ACACB: variants seen among roughly 807,000 people sequenced by gnomAD.
The protein encoded by ACACB is acetyl-CoA carboxylase 2.
Under a neutral mutation model 278.8 loss-of-function variants are expected in ACACB, and 209 were observed. That is an observed-to-expected ratio of 0.75 (90% CI 0.67 to 0.84). The LOEUF (loss-of-function observed/expected upper bound fraction) is 0.84. Ranked by LOEUF, ACACB falls within the 40% of genes least tolerant of loss-of-function variation. The probability of loss-of-function intolerance (pLI) is 0.00; values close to 1 mark genes in which losing one functional copy is unlikely to be tolerated. For missense variants in ACACB, 2,850 were observed against 3,269.0 expected (o/e 0.87, Z 3.13); for synonymous variants, 1,174 against 1,285.6 (o/e 0.91, Z 1.86).
chr12:109,191,208 A>G (rs2044864057), intron 13 of ACACB, among the ~76,000 whole-genome samples: 1 of 132,968 alleles, frequency 7.5e-6, no homozygotes, highest in South Asian at 2.4e-4. Flanking sequence ...GCCCTCTCTT[A>G]ACTCTTCTTT....
intron 39 of ACACB, 67 bp from the exon 40 acceptor site, chr12:109,247,539 G>GAA: frequency 1.5e-4 from 148 of 1,019,944 alleles, no homozygotes; most frequent in Non-Finnish European, 1.6e-4. Flanking sequence ...TTCACATTAA[G>GAA]AAAAAAAAAA....
chr12:109,116,984 T>C (rs1304872828), intron 1 of ACACB, among the ~76,000 whole-genome samples: 1 of 152,136 alleles, frequency 6.6e-6, no homozygotes, highest in East Asian at 1.9e-4. Context: ...AATTCTGTTT[T>C]TTGCCTCCAA....
intron 27 of ACACB, among the ~76,000 whole-genome samples, chr12:109,226,626 G>A (rs895329775): frequency 6.7e-6 from 1 of 150,254 alleles, no homozygotes; most frequent in African/African-American, 2.5e-5. Context: ...TTGAACCTGG[G>A]AGGAGGAGGT....
In ACACB at chr12:109,234,057, G is replaced by A. The variant is rs182781008; in HGVS notation, c.4347+12G>A. 9.1e-5 allele frequency: 145 copies of A among 1,588,274 alleles called. No individual in the cohort carries two copies. In the East Asian group the frequency reaches 2.6e-3, roughly 28 times the overall value. On this transcript the variant is annotated intron_variant, in intron 31 of 52. Transcript: ENST00000338432. ...TCGTACAGTCCAAGGTACTCTGGGC[G>A]TGCCTCTGGTTTTGGTGGGGGTTCT...
intron 2 of ACACB, 114 bp from the exon 3 acceptor site, chr12:109,166,747 C>T: frequency 7.6e-7 from 1 of 1,309,388 alleles, no homozygotes; most frequent in Non-Finnish European, 1.0e-6. Flanking sequence ...AAGTGCAAAG[C>T]AGGGGGGCTC....
intron 21 of ACACB, among the ~76,000 whole-genome samples, chr12:109,210,193 GTA>G (rs60316094): frequency 4.1e-5 from 1 of 24,568 alleles, no homozygotes; most frequent in Admixed American, 5.3e-4. Context: ...ACACACGTGT[GTA>G]TATGTATATA....
intron 1 of ACACB, among the ~76,000 whole-genome samples, chr12:109,128,868 G>A (rs1024150908): frequency 6.6e-6 from 1 of 151,680 alleles, no homozygotes; most frequent in Non-Finnish European, 1.5e-5. Context: ...GAACTGCTGG[G>A]CGCAAACAAT....
chr12:109,240,040 T>C (rs2046750491), intron 35 of ACACB, 55 bp downstream of exon 35: 2 of 1,578,876 alleles, frequency 1.3e-6, no homozygotes, highest in South Asian at 1.2e-5. Flanking sequence ...CTCTGAGCCA[T>C]GCTGCTTTGG....
At chr12:109,123,634 A>C (rs1292905788) in intron 1 of ACACB, among the ~76,000 whole-genome samples, 1 of 151,050 alleles carries the variant, frequency 6.6e-6, no homozygotes, top group East Asian at 2.0e-4. Context: ...CAGAGGTTGC[A>C]TTGAGCCAAG....
At chr12:109,251,015 T>A (rs2047080175) in intron 41 of ACACB, among the ~76,000 whole-genome samples, 1 of 152,174 alleles carries the variant, frequency 6.6e-6, no homozygotes, top group Admixed American at 6.6e-5. Context: ...AGGGGCCGCA[T>A]GAACAGTGTG....
In ACACB at chr12:109,259,064, T is replaced by C. The variant is rs750592937; in HGVS notation, c.6452T>C (p.Leu2151Pro). 1 of 1,614,098 alleles carries C rather than the reference T, an allele frequency of 6.2e-7. No homozygotes were observed. Among genetic ancestry groups the C allele is most frequent in the South Asian group, 1.1e-5 (1 of 91,080 alleles). Reference sequence around the variant, plus strand: ...GACTTCAACCGGGAGAAGTTGCCCCTGATGATCTTTGCCAACTGGAGGGGG... The same window carrying C: ...GACTTCAACCGGGAGAAGTTGCCCCCGATGATCTTTGCCAACTGGAGGGGG... Reference protein sequence around the residue: ...VKDFNREKLPLMIFANWRGFS... With the variant: ...VKDFNREKLPPMIFANWRGFS... The change falls in exon 47 of 53, where the codon CTG becomes CCG. Residue 2151 changes from leucine to proline, a missense_variant. By Grantham distance (98) the Leu-to-Pro change is moderately conservative. Coordinates refer to ENST00000338432, the MANE Select transcript of ACACB (RefSeq NM_001093.4).
chr12:109,176,403 C>T (rs1222878597), intron 9 of ACACB, 140 bp downstream of exon 9: 1 of 769,838 alleles, frequency 1.3e-6, no homozygotes. Flanking sequence ...TCGTATTTTG[C>T]AACAAACGCG....
At chr12:109,238,455 A>G (rs2046700700) in intron 34 of ACACB, among the ~76,000 whole-genome samples, 1 of 106,980 alleles carries the variant, frequency 9.3e-6, no homozygotes, top group Non-Finnish European at 2.0e-5. Context: ...CATATAATAT[A>G]CATAATATAA....
At chr12:109,174,110 CT>C in intron 6 of ACACB, 21 bp from the exon 7 acceptor site, 1 of 1,594,830 alleles carries the variant, frequency 6.3e-7, no homozygotes, top group Non-Finnish European at 8.5e-7. Context: ...TTCTGCTTCC[CT>C]TCTTGTCCCC....
chr12:109,210,275 A>G lies in ACACB; in HGVS notation c.3249+922A>G, dbSNP rs2045751367. On this transcript the variant is annotated intron_variant, in intron 21 of 52. Coordinates refer to ENST00000338432, the MANE Select transcript of ACACB (RefSeq NM_001093.4). The stretch of plus-strand genomic sequence containing the variant: ...CACACATGTGTGTATATGTACATAT[A>G]CACACACATATCTGTGTGTATATGT... 3.1e-5 allele frequency among the ~76,000 whole-genome samples: 2 copies of G among 65,162 alleles called. 1 individual carries two copies. The highest frequency in any genetic ancestry group is 1.3e-4 in the African/African-American group (2 of 15,026). 42.7% of individuals were successfully genotyped at this position (65,162 alleles called of 152,430 possible).
intron 19 of ACACB, among the ~76,000 whole-genome samples, chr12:109,203,457 C>T (rs1565917512): frequency 6.6e-6 from 1 of 152,254 alleles, no homozygotes; most frequent in Non-Finnish European, 1.5e-5. Context: ...AAACACACAC[C>T]GTACCTCACA....
Position 109,265,291 on chromosome 12 carries a change from G to A in ACACB, c.7113+11G>A. 1 of 1,612,434 alleles carries A rather than the reference G, an allele frequency of 6.2e-7. No individual in the cohort carries two copies. The highest frequency in any genetic ancestry group is 1.3e-5 in the African/African-American group (1 of 75,048). ...GAGGGGGCTGTCAAGGTGGGCCTGG[G>A]GTGAGAACGAGGCCGGTGAGCACAG... is the stretch of plus-strand genomic sequence containing the variant. On this transcript the variant is annotated intron_variant, in intron 51 of 52. Transcript: ENST00000338432.
At chr12:109,262,287 C>A in intron 48 of ACACB, 70 bp from the exon 49 acceptor site, 1 of 1,255,328 alleles carries the variant, frequency 8.0e-7, no homozygotes, top group Non-Finnish European at 1.2e-6. Flanking sequence ...CCAGCTCCCC[C>A]CACATCCATT....
intron 2 of ACACB, among the ~76,000 whole-genome samples, chr12:109,163,342 G>A (rs985797019): frequency 2.0e-5 from 3 of 152,154 alleles, no homozygotes; most frequent in Non-Finnish European, 4.4e-5. Context: ...TAATATCATC[G>A]TTGAGGTCAG....
Sources: allele counts gnomAD v4.1 joint callset (sites outside exome capture counted in the v4.1 genomes callset), GRCh38; gene constraint gnomAD v4.1.1; transcripts MANE v1.5; gene names NCBI Gene and HGNC (gene_info 2026-07-23, HGNC 2026-07-21).